GLIS3: variants seen among roughly 807,000 people sequenced by gnomAD.
The protein encoded by GLIS3 is GLIS family zinc finger 3.
A neutral mutation model predicts 78.6 loss-of-function variants in GLIS3; 53 were observed. The observed-to-expected ratio is 0.67, with a 90% CI of 0.54 to 0.85. The LOEUF (loss-of-function observed/expected upper bound fraction) is 0.85. Among genes scored for constraint, GLIS3 ranks in the 40% least tolerant of loss-of-function variants. GLIS3 has a pLI of 0.00. For synonymous variants in GLIS3, 684 were observed against 509.9 expected, an observed-to-expected ratio of 1.34 and a Z score of -4.60; for missense variants, 1,703 against 1,231.1, an observed-to-expected ratio of 1.38 and a Z score of -5.74.
At chr9:4,182,566 G>A (rs569298643) in intron 2 of GLIS3, among the ~76,000 whole-genome samples, 1 of 152,310 alleles carries the variant, frequency 6.6e-6, no homozygotes, top group South Asian at 2.1e-4. Flanking sequence ...ATGGGGAGTT[G>A]TGGGTATCAC....
At chr9:3,841,034 A>G (rs1257545892) in intron 9 of GLIS3, among the ~76,000 whole-genome samples, 2 of 152,164 alleles carry the variant, frequency 1.3e-5, no homozygotes, top group Non-Finnish European at 2.9e-5. Context: ...CGGGCAGAGC[A>G]GGTGGCTAAA....
intron 2 of GLIS3, among the ~76,000 whole-genome samples, chr9:4,198,161 G>C (rs1819038169): frequency 6.6e-6 from 1 of 151,998 alleles, no homozygotes; most frequent in African/African-American, 2.4e-5. Flanking sequence ...AACCAAAATG[G>C]AAATTCAGTT....
intron 9 of GLIS3, among the ~76,000 whole-genome samples, chr9:3,846,487 A>T (rs535293535): frequency 6.6e-5 from 10 of 152,342 alleles, no homozygotes; most frequent in Non-Finnish European, 1.3e-4. Flanking sequence ...ACTGTAGTCC[A>T]GGCATTCTCT....
chr9:4,051,907 A>G (rs151149894), intron 4 of GLIS3, among the ~76,000 whole-genome samples: 62 of 152,326 alleles, frequency 4.1e-4, no homozygotes, highest in Middle Eastern at 6.8e-3. Flanking sequence ...ACGTTTATAG[A>G]TGATACATAC....
chr9:4,293,503 G>C (rs1426272485), intron 1 of GLIS3, among the ~76,000 whole-genome samples: 1 of 152,224 alleles, frequency 6.6e-6, no homozygotes, highest in African/African-American at 2.4e-5. Flanking sequence ...TTATTAAAAA[G>C]ATTTTTTGAA....
intron 2 of GLIS3, among the ~76,000 whole-genome samples, chr9:4,139,048 C>G (rs1418564321): frequency 6.6e-6 from 1 of 152,134 alleles, no homozygotes; most frequent in Non-Finnish European, 1.5e-5. Flanking sequence ...TGAGACCAGG[C>G]TGGGAAGAGC....
the GLIS3 span, among the ~76,000 whole-genome samples, chr9:4,364,207 G>A: frequency 1.3e-5 from 2 of 152,176 alleles, no homozygotes; most frequent in Admixed American, 6.5e-5. Context: ...TCAGTCTACT[G>A]AAAAACTATT....
intron 4 of GLIS3, among the ~76,000 whole-genome samples, chr9:4,308,250 G>C (rs560173325): frequency 6.6e-6 from 1 of 152,196 alleles, no homozygotes; most frequent in Admixed American, 6.5e-5. Flanking sequence ...CCCATGAACT[G>C]GAAGGAACAG....
chr9:4,449,818 C>A, the GLIS3 span, among the ~76,000 whole-genome samples: 1 of 152,138 alleles, frequency 6.6e-6, no homozygotes, highest in South Asian at 2.1e-4. Flanking sequence ...AAAAGGACAT[C>A]CACACCAAAA....
intron 4 of GLIS3, among the ~76,000 whole-genome samples, chr9:4,048,961 A>C (rs1362122697): frequency 6.6e-6 from 1 of 152,200 alleles, no homozygotes; most frequent in African/African-American, 2.4e-5. Flanking sequence ...GCAGGACAGG[A>C]AATTATTTGG....
At chr9:4,416,235 G>C in the GLIS3 span, among the ~76,000 whole-genome samples, 2 of 113,924 alleles carry the variant, frequency 1.8e-5, no homozygotes, top group African/African-American at 3.5e-5. Context: ...CTGAGTGAGA[G>C]AGTGAGACAC....
chr9:3,873,973 G>A (rs1821138547), intron 8 of GLIS3, among the ~76,000 whole-genome samples: 1 of 151,936 alleles, frequency 6.6e-6, no homozygotes, highest in Non-Finnish European at 1.5e-5. Flanking sequence ...CCTTCTTTCT[G>A]TGATATTATG....
At position 4,326,422 on chromosome 9, in the gene GLIS3, G is replaced by A. The variant is rs952521070; in HGVS notation, n.265-15894C>T. Among the ~76,000 whole-genome samples the A allele has an allele frequency of 5.9e-5, 9 of 152,074 alleles. 1 individual carries two copies. The highest frequency in any genetic ancestry group is 3.9e-4 in the Admixed American group (6 of 15,262). On this transcript the variant is annotated intron_variant and non_coding_transcript_variant, in intron 2 of 4. Transcript: ENST00000471664. ...ACATGCTACAACATGGACACATCTC[G>A]AAAACATTATGCTAAGTGAAATAGT...
chr9:4,180,507 C>T (rs1257911109), intron 2 of GLIS3, among the ~76,000 whole-genome samples: 1 of 152,172 alleles, frequency 6.6e-6, no homozygotes, highest in Non-Finnish European at 1.5e-5. Flanking sequence ...CCCTTTGTGA[C>T]ATACTGCCCA....
At chr9:4,467,001 G>A in the GLIS3 span, among the ~76,000 whole-genome samples, 1 of 152,246 alleles carries the variant, frequency 6.6e-6, no homozygotes, top group Non-Finnish European at 1.5e-5. Context: ...ACCTGGCTCG[G>A]CGGGTCCCAT....
chr9:3,906,060 A>G (rs2130650486), intron 6 of GLIS3, among the ~76,000 whole-genome samples: 1 of 152,336 alleles, frequency 6.6e-6, no homozygotes, highest in Admixed American at 6.5e-5. Flanking sequence ...ATGGGTTCTG[A>G]AAACAGTCAT....
At chr9:4,044,141 G>A (rs547892924) in intron 4 of GLIS3, among the ~76,000 whole-genome samples, 5 of 152,252 alleles carry the variant, frequency 3.3e-5, no homozygotes, top group African/African-American at 1.2e-4. Flanking sequence ...CATCAGAAAG[G>A]ACATGGGGAG....
intron 2 of GLIS3, among the ~76,000 whole-genome samples, chr9:4,229,139 T>C (rs193175664): frequency 6.6e-6 from 1 of 152,226 alleles, no homozygotes; most frequent in South Asian, 2.1e-4. Flanking sequence ...GTAATATCCA[T>C]GTATAAAAGA....
intron 4 of GLIS3, among the ~76,000 whole-genome samples, chr9:3,965,794 CT>C (rs1342201526): frequency 1.3e-5 from 2 of 152,192 alleles, no homozygotes; most frequent in Admixed American, 6.5e-5. Flanking sequence ...CCACCAACTC[CT>C]CCTCTCTCAC....
Sources: gnomAD v4.1 joint callset for allele counts (sites outside exome capture counted in the v4.1 genomes callset) on GRCh38, gnomAD v4.1.1 for gene constraint, MANE v1.5 for transcripts, NCBI Gene and HGNC (gene_info 2026-07-23, HGNC 2026-07-21) for gene names.